The following SIN3B variants were observed in gnomAD, a reference collection of about 807,000 sequenced individuals.
SIN3B encodes SIN3 transcription regulator family member B, also known as paired amphipathic helix protein Sin3b.
In SIN3B, 19 loss-of-function variants were observed where a neutral mutation model predicts 120.2. The observed-to-expected ratio is 0.16, with a 90% CI of 0.11 to 0.23. SIN3B has a LOEUF of 0.23. Ranked by LOEUF, SIN3B falls within the 10% of genes least tolerant of loss-of-function variation. The pLI is 1.00. For missense variants in SIN3B, 1,073 were observed against 1,573.0 expected (o/e 0.68, Z 5.38); for synonymous variants, 654 against 653.2 (o/e 1.00, Z -0.02).
Position 16,876,512 on chromosome 19 carries a change from G to A in SIN3B, c.2793G>A (p.Gln931=), listed in dbSNP as rs560080409. ...TGATGTTCCTGCAGCGCAAAGGGCAGGTGATCATGACCATCGAGCTCCTGG... is the reference window on the plus strand; with the variant it reads ...TGATGTTCCTGCAGCGCAAAGGGCAAGTGATCATGACCATCGAGCTCCTGG... ...FKVMFLQRKG[Q]VIMTIELLDT... Residue 931 remains glutamine, a synonymous_variant, in exon 16 of 19, where the codon CAG becomes CAA. Transcript: ENST00000248054. The surrounding 1 kb of genome is among the most constrained non-coding windows in gnomAD (Gnocchi z 7.1). 6.2e-7 allele frequency: 1 copy of A among 1,613,460 alleles called. No homozygotes were observed. Among genetic ancestry groups the A allele is most frequent in the South Asian group, 1.1e-5 (1 of 91,086 alleles).
At position 16,878,843 on chromosome 19, in the gene SIN3B, TG is replaced by T; in HGVS notation, c.*117del. On this transcript the variant is annotated 3_prime_UTR_variant, in exon 19 of 19. Transcript: ENST00000248054. Reference sequence around the variant, plus strand: ...GAGAGGCATCTCCCAGCCCCTCTGCTGCCGGACAGCGCACTCCAGGGCAGGA... The same window carrying T: ...GAGAGGCATCTCCCAGCCCCTCTGCTCCGGACAGCGCACTCCAGGGCAGGA... The T allele has an allele frequency of 2.1e-6, 2 of 953,322 alleles. No homozygotes were observed. Among genetic ancestry groups the T allele is most frequent in the East Asian group, 5.3e-5 (2 of 37,990 alleles). 59.1% of individuals were successfully genotyped at this position (953,322 alleles called of 1,614,324 possible). A position where few individuals can be genotyped will look rare whatever the true frequency, so the allele number is the denominator to read the frequency against.
Position 16,862,500 on chromosome 19 carries a change from G to C in SIN3B, c.1207G>C (p.Ala403Pro). 6.2e-7 allele frequency: 1 copy of C among 1,614,034 alleles called. No individual in the cohort carries two copies. Among genetic ancestry groups the C allele is most frequent in the Non-Finnish European group, 8.5e-7 (1 of 1,180,026 alleles). Reference protein sequence around the residue: ...SCKRIGSSYRALPKTYQQPKC... With the variant: ...SCKRIGSSYRPLPKTYQQPKC... ...CAAGCGCATAGGATCCAGCTACCGG[G>C]CACTCCCCAAAACCTACCAGCAGCC... Residue 403 changes from alanine to proline, a missense_variant, in exon 9 of 19, where the codon GCA becomes CCA. By Grantham distance (27) the Ala-to-Pro change is conservative. Coordinates refer to ENST00000248054, the MANE Select transcript of SIN3B (RefSeq NM_001297595.2). The surrounding 1 kb of genome is among the most constrained non-coding windows in gnomAD (Gnocchi z 4.7).
intron 3 of SIN3B, among the ~76,000 whole-genome samples, chr19:16,836,799 C>T (rs748268618): frequency 6.6e-6 from 1 of 152,194 alleles, no homozygotes; most frequent in African/African-American, 2.4e-5. Flanking sequence ...CGTGCAGCTC[C>T]TAACTTAAGC....
rs1971700357 is a variant in SIN3B at position 16,862,381 on chromosome 19, A to G, written c.1088A>G (p.Lys363Arg). 1 of 1,614,168 alleles carries G rather than the reference A, an allele frequency of 6.2e-7. No individual in the cohort carries two copies. The highest frequency in any genetic ancestry group is 1.7e-5 in the Admixed American group (1 of 60,030). ...TTTCCAGAACTCTTTGCACAGTTCA[A>G]GTCCTTCCTGGGGGTAAAAGAGCTG... is the stretch of plus-strand genomic sequence containing the variant. ...GKFPELFAQF[K>R]SFLGVKELSF... The change falls in exon 9 of 19, where the codon AAG becomes AGG. Residue 363 changes from lysine (K) to arginine (R), a missense_variant. Coordinates refer to ENST00000248054, the MANE Select transcript of SIN3B (RefSeq NM_001297595.2). The surrounding 1 kb of genome is among the most constrained non-coding windows in gnomAD (Gnocchi z 4.7).
intron 12 of SIN3B, among the ~76,000 whole-genome samples, chr19:16,867,184 CAG>C (rs1443386382): frequency 6.6e-6 from 1 of 152,214 alleles, no homozygotes; most frequent in Non-Finnish European, 1.5e-5. Flanking sequence ...GTTAGCAACA[CAG>C]AAAGAGTAAT....
intron 2 of SIN3B, among the ~76,000 whole-genome samples, chr19:16,830,251 C>T (rs143896944): frequency 6.6e-6 from 1 of 152,208 alleles, no homozygotes; most frequent in Admixed American, 6.5e-5. Flanking sequence ...TATTTTCAAG[C>T]GCTGTAAAAT....
Position 16,878,658 on chromosome 19 carries a change from A to G in SIN3B, c.3324A>G (p.Thr1108=). The G allele has an allele frequency of 1.2e-6, 2 of 1,613,410 alleles. No individual in the cohort carries two copies. Among genetic ancestry groups the G allele is most frequent in the Non-Finnish European group, 1.7e-6 (2 of 1,179,796 alleles). Residue 1108 remains threonine, a synonymous_variant, in exon 19 of 19, where the codon ACA becomes ACG. Coordinates refer to ENST00000248054, the MANE Select transcript of SIN3B (RefSeq NM_001297595.2). Reference sequence around the variant, plus strand: ...TACCCTGCAAGACGCTGTGTGAGACAGTGCACGTGCACGGCCTGCCCGTGA... The same window carrying G: ...TACCCTGCAAGACGCTGTGTGAGACGGTGCACGTGCACGGCCTGCCCGTGA... ...DMVPCKTLCE[T]VHVHGLPVTR... is the part of the protein sequence containing the mutation.
chr19:16,873,530 C>G (rs566803476), intron 14 of SIN3B, among the ~76,000 whole-genome samples: 1 of 151,262 alleles, frequency 6.6e-6, no homozygotes, highest in South Asian at 2.1e-4. Flanking sequence ...CCTCCCCCCC[C>G]CCCCAGGCTG....
rs2051602834 is a variant in SIN3B, at chr19:16,876,134, G to T, written c.2672G>T (p.Gly891Val). 2 of 1,610,052 alleles carry T rather than the reference G, an allele frequency of 1.2e-6. No individual in the cohort carries two copies. The highest frequency in any genetic ancestry group is 4.5e-5 in the East Asian group (2 of 44,750). Residue 891 changes from glycine to valine, a missense_variant, in exon 15 of 19, where the codon GGT (glycine) becomes GTT (valine). Physicochemically the swap from Gly to Val is moderately radical, Grantham distance 109. Transcript: ENST00000248054. This position sits in a 1 kb window ranked among gnomAD's most constrained non-coding sequence, Gnocchi z 7.1. ...AACGAGAAGAAGCGGGGTGCCGCTG[G>T]TGGGAACCTGTCCTCCCGCTGCGTC... ...YLNEKKRGAA[G>V]GNLSSRCVRA...
Position 16,862,630 on chromosome 19 carries a change from T to G in SIN3B, c.1266+71T>G. The G allele has an allele frequency of 7.4e-7, 1 of 1,344,384 alleles. No individual in the cohort carries two copies. Among genetic ancestry groups the G allele is most frequent in the Non-Finnish European group, 1.0e-6 (1 of 953,262 alleles). 83.3% of individuals were successfully genotyped at this position (1,344,384 alleles called of 1,614,324 possible). A position where few individuals can be genotyped will look rare whatever the true frequency, so the allele number is the denominator to read the frequency against. ...CCACCCCTCCCCAGCAAACACCCGATACCCCCGTTATGAATGAAATGCTGT... is the reference window on the plus strand; with the variant it reads ...CCACCCCTCCCCAGCAAACACCCGAGACCCCCGTTATGAATGAAATGCTGT... On this transcript the variant is annotated intron_variant, in intron 9 of 18. Transcript: ENST00000248054. This position sits in a 1 kb window ranked among gnomAD's most constrained non-coding sequence, Gnocchi z 4.7.
chr19:16,865,706 C>T (rs1971762386), intron 11 of SIN3B, 58 bp downstream of exon 11: 8 of 1,066,440 alleles, frequency 7.5e-6, no homozygotes, highest in Non-Finnish European at 1.1e-5. Context: ...CCTCCCCTCC[C>T]CTCCCCTCCC....
At chr19:16,850,620 A>G (rs989615983) in intron 5 of SIN3B, among the ~76,000 whole-genome samples, 1 of 152,142 alleles carries the variant, frequency 6.6e-6, no homozygotes, top group African/African-American at 2.4e-5. Context: ...CTGTGGTGGC[A>G]GGGGAAGGCG....
chr19:16,854,184 C>A lies in SIN3B; in HGVS notation c.981C>A (p.Phe327Leu). 6.2e-7 allele frequency: 1 copy of A among 1,612,698 alleles called. No individual in the cohort carries two copies. The highest frequency in any genetic ancestry group is 8.5e-7 in the Non-Finnish European group (1 of 1,179,930). Reference protein sequence around the residue: ...VLKSQEVYENFLRCIALFNQE... With the variant: ...VLKSQEVYENLLRCIALFNQE... Reference sequence around the variant, plus strand: ...AGAGCCAGGAGGTGTATGAAAACTTCCTCCGCTGCATCGCACTCTTCAACC... The same window carrying A: ...AGAGCCAGGAGGTGTATGAAAACTTACTCCGCTGCATCGCACTCTTCAACC... Residue 327 changes from phenylalanine to leucine, a missense_variant, in exon 8 of 19, where the codon TTC becomes TTA. Phe to Leu is a conservative substitution (Grantham distance 22). Around this residue, in one of 7 missense-constraint regions of SIN3B, gnomAD observed 395 missense variants for 528.0 expected, o/e 0.75. Transcript: ENST00000248054.
Position 16,876,150 on chromosome 19 carries a change from C to T in SIN3B, c.2688C>T (p.Ser896=). ...KRGAAGGNLS[S]RCVRAARETS... ...GTGCCGCTGGTGGGAACCTGTCCTC[C>T]CGCTGCGTCCGCGCTGCTAGGGAGA... Residue 896 remains serine, a synonymous_variant, in exon 15 of 19, where the codon TCC becomes TCT. Transcript: ENST00000248054. The surrounding 1 kb of genome is among the most constrained non-coding windows in gnomAD (Gnocchi z 7.1). 3 of 1,612,188 alleles carry T rather than the reference C, an allele frequency of 1.9e-6. No homozygotes were observed. The highest frequency in any genetic ancestry group is 2.5e-6 in the Non-Finnish European group (3 of 1,179,658).
chr19:16,879,903 A>G lies in SIN3B; in HGVS notation c.*1176A>G, dbSNP rs1003343007. 6.6e-6 allele frequency: 1 copy of G among 152,250 alleles called. No homozygotes were observed. The highest frequency in any genetic ancestry group is 1.5e-5 in the Non-Finnish European group (1 of 68,088). The allele number at this position is 152,250 out of a possible 1,614,324, so 9.4% of individuals were successfully genotyped here. A position where few individuals can be genotyped will look rare whatever the true frequency, so the allele number is the denominator to read the frequency against. ...GCCCAGAATAACCGCCACCCTTGCC[A>G]TCCTGCAACAGCTGGACTCAAGTTT... On this transcript the variant is annotated 3_prime_UTR_variant, in exon 19 of 19. Transcript: ENST00000248054.
chr19:16,859,762 T>G (rs996347432), intron 8 of SIN3B, among the ~76,000 whole-genome samples: 1 of 152,070 alleles, frequency 6.6e-6, no homozygotes, highest in Non-Finnish European at 1.5e-5. Flanking sequence ...TCACCTTGAG[T>G]TGCCTCCACT....
chr19:16,849,792 C>T (rs1971522081), intron 5 of SIN3B, among the ~76,000 whole-genome samples: 1 of 152,030 alleles, frequency 6.6e-6, no homozygotes, highest in African/African-American at 2.4e-5. Context: ...ACACCTGTTC[C>T]AGCATATACA....
chr19:16,863,196 A>C, intron 9 of SIN3B: 1 of 544,350 alleles, frequency 1.8e-6, no homozygotes, highest in South Asian at 2.4e-5. Context: ...CTGAAATGAA[A>C]TCGGCCCTCC....
At chr19:16,858,124 G>A (rs1971640903) in intron 8 of SIN3B, among the ~76,000 whole-genome samples, 1 of 152,150 alleles carries the variant, frequency 6.6e-6, no homozygotes, top group Non-Finnish European at 1.5e-5. Context: ...TGATCCGCCT[G>A]CCTCAGCCTC....
Sources: allele counts gnomAD v4.1 joint callset (sites outside exome capture counted in the v4.1 genomes callset), GRCh38; gene constraint gnomAD v4.1.1; regional missense constraint gnomAD v4.1.1; non-coding constraint Gnocchi (gnomAD v3.1); transcripts MANE v1.5; gene names NCBI Gene and HGNC (gene_info 2026-07-23, HGNC 2026-07-21).